Variants in STRN3 observed in about 807,000 individuals in gnomAD.
STRN3 encodes striatin 3.
In STRN3, 29 loss-of-function variants were observed where a neutral mutation model predicts 95.6. That is an observed-to-expected ratio of 0.30 (90% confidence interval 0.23 to 0.41). The LOEUF is 0.41. STRN3 is among the 10% of genes least tolerant of loss of function. The pLI is 1.00. For synonymous variants in STRN3, 331 were observed against 357.6 expected, an observed-to-expected ratio of 0.93 and a Z score of 0.84; for missense variants, 890 against 972.1, an observed-to-expected ratio of 0.92 and a Z score of 1.12.
chr14:30,902,717 G>T (rs1054851620), intron 15 of STRN3, 74 bp from the exon 16 acceptor site: 3 of 946,956 alleles, frequency 3.2e-6, no homozygotes, highest in Admixed American at 5.3e-5. Flanking sequence ...CTTTTTAATC[G>T]TGCTAAAATA....
chr14:31,011,973 T>A (rs1049026515), intron 1 of STRN3, among the ~76,000 whole-genome samples: 6 of 152,102 alleles, frequency 3.9e-5, no homozygotes, highest in Non-Finnish European at 7.4e-5. Flanking sequence ...TCCCAGCTAC[T>A]TGGGAGGCTG....
chr14:30,969,202 G>A (rs530692819), intron 1 of STRN3, among the ~76,000 whole-genome samples: 8 of 152,294 alleles, frequency 5.3e-5, no homozygotes, highest in East Asian at 1.9e-4. Flanking sequence ...TTGGGAGGCC[G>A]AGGAGGGCAA....
intron 4 of STRN3, among the ~76,000 whole-genome samples, chr14:30,947,835 T>G (rs1246391187): frequency 2.0e-5 from 3 of 152,148 alleles, no homozygotes; most frequent in African/African-American, 7.2e-5. Flanking sequence ...TAACCTAGGA[T>G]CTAAGATGAG....
At chr14:30,946,292 C>G (rs1159897960) in intron 5 of STRN3, among the ~76,000 whole-genome samples, 2 of 152,138 alleles carry the variant, frequency 1.3e-5, no homozygotes, top group Non-Finnish European at 2.9e-5. Flanking sequence ...CCTGTAATCC[C>G]AGCACTTTTG....
intron 17 of STRN3, 30 bp downstream of exon 17, chr14:30,895,632 T>C: frequency 6.2e-7 from 1 of 1,611,454 alleles, no homozygotes; most frequent in Non-Finnish European, 8.5e-7. Flanking sequence ...TTTATAAAGT[T>C]TGTGGGCAGT....
At chr14:30,918,867 A>G in intron 9 of STRN3, 99 bp downstream of exon 9, 1 of 1,202,004 alleles carries the variant, frequency 8.3e-7, no homozygotes, top group South Asian at 2.6e-5. Flanking sequence ...ATATAAAATG[A>G]TCATCAGCAT....
chr14:30,987,648 A>C (rs1368393033), intron 1 of STRN3, among the ~76,000 whole-genome samples: 1 of 152,188 alleles, frequency 6.6e-6, no homozygotes. Context: ...TAAAACAATA[A>C]AATAATCAAT....
At chr14:30,942,227 G>C (rs1048932666) in intron 5 of STRN3, among the ~76,000 whole-genome samples, 1 of 151,676 alleles carries the variant, frequency 6.6e-6, no homozygotes, top group African/African-American at 2.4e-5. Context: ...TTTTGTTGTT[G>C]TTCTTTTGTG....
At chr14:30,957,464 A>AG in intron 1 of STRN3, among the ~76,000 whole-genome samples, 1 of 33,136 alleles carries the variant, frequency 3.0e-5, no homozygotes, top group Admixed American at 4.1e-4. Flanking sequence ...AAAAAAAAAA[A>AG]AAAAAGAGAG....
At chr14:31,011,622 G>A (rs763203921) in intron 1 of STRN3, among the ~76,000 whole-genome samples, 21 of 152,114 alleles carry the variant, frequency 1.4e-4, no homozygotes, top group Non-Finnish European at 2.4e-4. Context: ...CAGCCTGGGC[G>A]ACAGAGCGAG....
At chr14:30,911,580 G>A (rs974683538) in intron 12 of STRN3, among the ~76,000 whole-genome samples, 197 bp downstream of exon 12, 1 of 152,072 alleles carries the variant, frequency 6.6e-6, no homozygotes, top group Non-Finnish European at 1.5e-5. Context: ...TCAGATTACA[G>A]GCATGAACTA....
chr14:30,966,811 C>T (rs1413191223), intron 1 of STRN3, among the ~76,000 whole-genome samples: 1 of 152,090 alleles, frequency 6.6e-6, no homozygotes, highest in Non-Finnish European at 1.5e-5. Context: ...TGGCTTAGAG[C>T]AAATCCTGCC....
intron 1 of STRN3, among the ~76,000 whole-genome samples, chr14:30,963,373 C>G (rs1224114224): frequency 6.6e-6 from 1 of 152,180 alleles, no homozygotes; most frequent in Non-Finnish European, 1.5e-5. Context: ...GTCTCCAGAA[C>G]AGACCATGTA....
intron 1 of STRN3, among the ~76,000 whole-genome samples, chr14:31,001,770 T>G (rs1456153291): frequency 6.6e-6 from 1 of 152,152 alleles, no homozygotes; most frequent in Non-Finnish European, 1.5e-5. Flanking sequence ...TGTTATCTGT[T>G]ATGAATGGCC....
At chr14:30,975,294 G>A (rs1004929424) in intron 1 of STRN3, among the ~76,000 whole-genome samples, 1 of 151,496 alleles carries the variant, frequency 6.6e-6, no homozygotes, top group Middle Eastern at 3.4e-3. Flanking sequence ...TCTAAATGAA[G>A]CAACTCAGGA....
intron 1 of STRN3, among the ~76,000 whole-genome samples, chr14:30,985,559 A>G (rs958787666): frequency 6.6e-6 from 1 of 151,740 alleles, no homozygotes; most frequent in Middle Eastern, 3.4e-3. Flanking sequence ...AGCCAAGATC[A>G]CGCATTGTAC....
intron 1 of STRN3, chr14:31,025,466 G>A (rs978030538): frequency 3.6e-5 from 6 of 166,452 alleles, no homozygotes; most frequent in African/African-American, 5.1e-5. Context: ...GGGGTGGTCC[G>A]GAAAAGGGGG....
At chr14:30,969,250 A>G (rs2139189641) in intron 1 of STRN3, among the ~76,000 whole-genome samples, 1 of 152,310 alleles carries the variant, frequency 6.6e-6, no homozygotes, top group African/African-American at 2.4e-5. Context: ...CCTGGCTAAC[A>G]TGGTGAAACA....
intron 3 of STRN3, among the ~76,000 whole-genome samples, chr14:30,953,606 G>A (rs1879757928): frequency 6.6e-6 from 1 of 152,134 alleles, no homozygotes; most frequent in Admixed American, 6.5e-5. Flanking sequence ...TTTTTGAGGA[G>A]TGGAGTTACT....
Sources: allele counts gnomAD v4.1 joint callset (sites outside exome capture counted in the v4.1 genomes callset), GRCh38; gene constraint gnomAD v4.1.1; transcripts MANE v1.5; gene names NCBI Gene and HGNC (gene_info 2026-07-23, HGNC 2026-07-21).